The following NSUN6 variants were observed in gnomAD, a reference collection of about 807,000 sequenced individuals.
The protein encoded by NSUN6 is tRNA (cytosine(72)-C(5))-methyltransferase NSUN6.
NSUN6 carries 64 observed loss-of-function variants against 58.0 expected under a neutral mutation model. The observed-to-expected ratio is 1.10, with a 90% CI of 0.90 to 1.36. The LOEUF is 1.36. Among genes scored for constraint, NSUN6 ranks in the 40% most tolerant of loss-of-function variants. The pLI is 0.00. For synonymous variants in NSUN6, 231 were observed against 193.9 expected (o/e 1.19, Z -1.59); for missense variants, 701 against 550.1 (o/e 1.27, Z -2.74).
At chr10:18,628,028 G>C (rs2058885523) in intron 3 of NSUN6, among the ~76,000 whole-genome samples, 1 of 152,218 alleles carries the variant, frequency 6.6e-6, no homozygotes, top group Non-Finnish European at 1.5e-5. Flanking sequence ...TTTGAAGAGA[G>C]CAGTGGTTCT....
At chr10:18,625,344 T>C (rs1301237443) in intron 3 of NSUN6, among the ~76,000 whole-genome samples, 2 of 151,500 alleles carry the variant, frequency 1.3e-5, no homozygotes, top group African/African-American at 4.9e-5. Context: ...ATACAGAAAA[T>C]GTAAGAGAAA....
intron 7 of NSUN6, among the ~76,000 whole-genome samples, chr10:18,591,824 C>T (rs1212099216): frequency 6.6e-6 from 1 of 152,162 alleles, no homozygotes; most frequent in Admixed American, 6.5e-5. Flanking sequence ...AGGATGCCCC[C>T]TCTCACCACT....
chr10:18,555,645 T>C (rs1469096074), intron 8 of NSUN6, among the ~76,000 whole-genome samples: 2 of 92,346 alleles, frequency 2.2e-5, no homozygotes, highest in Admixed American at 1.2e-4. Flanking sequence ...TGGAATGTAA[T>C]GGAGAACAGA....
At chr10:18,629,762 G>C (rs1171254814) in intron 3 of NSUN6, among the ~76,000 whole-genome samples, 2 of 146,264 alleles carry the variant, frequency 1.4e-5, no homozygotes, top group African/African-American at 5.0e-5. Flanking sequence ...AGCAAGTCCT[G>C]AGTGACCTAC....
chr10:18,592,563 C>T (rs893144377), intron 7 of NSUN6, among the ~76,000 whole-genome samples: 1 of 152,098 alleles, frequency 6.6e-6, no homozygotes, highest in Admixed American at 6.5e-5. Flanking sequence ...AATAACAACA[C>T]ACATCTACAA....
chr10:18,652,485 A>AACTCTTT (rs2059726408), upstream of NSUN6: 13 of 983,692 alleles, frequency 1.3e-5, no homozygotes, highest in Admixed American at 6.1e-5. Context: ...ATGACACACC[A>AACTCTTT]ACTCTTTACC....
upstream of NSUN6, chr10:18,652,109 C>A: frequency 1.0e-6 from 1 of 985,168 alleles, no homozygotes; most frequent in Non-Finnish European, 1.2e-6. Context: ...ATCCAATGCT[C>A]AGGTAAAACT....
At chr10:18,635,081 G>A (rs1417344490) in intron 3 of NSUN6, among the ~76,000 whole-genome samples, 1 of 152,128 alleles carries the variant, frequency 6.6e-6, no homozygotes, top group African/African-American at 2.4e-5. Context: ...GGGGATTTTG[G>A]TATGTGCTAC....
rs188341620 is a variant in NSUN6, at chr10:18,605,043, G to A, written c.657+4802C>T. ...TGGGACTATAGGCGTCCGCCACCAC[G>A]CCCAGCTAATTTTTTGTATTTTTAG... On this transcript the variant is annotated intron_variant, in intron 6 of 10. Transcript: ENST00000377304. Among the ~76,000 whole-genome samples, 69 of 151,326 alleles carry A rather than the reference G, an allele frequency of 4.6e-4. No homozygotes were observed. In the East Asian group the frequency reaches 9.9e-3, roughly 22 times the overall value.
At chr10:18,621,877 G>A (rs1208360790) in intron 3 of NSUN6, among the ~76,000 whole-genome samples, 2 of 152,156 alleles carry the variant, frequency 1.3e-5, no homozygotes, top group East Asian at 1.9e-4. Flanking sequence ...GGAAGGTGAT[G>A]GATGAAACTG....
At chr10:18,634,121 C>G (rs1315679769) in intron 3 of NSUN6, among the ~76,000 whole-genome samples, 1 of 152,164 alleles carries the variant, frequency 6.6e-6, no homozygotes, top group South Asian at 2.1e-4. Context: ...TGGTGGCACA[C>G]ACATACACAA....
At chr10:18,642,622 T>A (rs764478138) in intron 2 of NSUN6, 67 bp from the exon 3 acceptor site, 1 of 774,354 alleles carries the variant, frequency 1.3e-6, no homozygotes, top group Non-Finnish European at 2.3e-6. Context: ...ATGGAACTTT[T>A]CAGTATCATC....
At chr10:18,648,973 A>G (rs985429662) in intron 1 of NSUN6, among the ~76,000 whole-genome samples, 7 of 152,238 alleles carry the variant, frequency 4.6e-5, no homozygotes, top group African/African-American at 1.7e-4. Flanking sequence ...CAGTCTATTT[A>G]TAATGCATTA....
At chr10:18,653,974 C>A (rs1049791956), upstream of NSUN6, among the ~76,000 whole-genome samples, 1 of 152,138 alleles carries the variant, frequency 6.6e-6, no homozygotes, top group Non-Finnish European at 1.5e-5. Context: ...CAAAGCTTAA[C>A]CTTACCAAAA....
intron 8 of NSUN6, among the ~76,000 whole-genome samples, chr10:18,571,912 ATTCCATTCCCCT>A (rs555233527): frequency 2.2e-3 from 332 of 147,980 alleles, no homozygotes; most frequent in African/African-American, 8.0e-3. Flanking sequence ...TCCTTTCTCC[ATTCCATTCCCCT>A]TTCCATTCCA....
chr10:18,561,921 T>C (rs1052802790), intron 8 of NSUN6, among the ~76,000 whole-genome samples: 1 of 132,952 alleles, frequency 7.5e-6, no homozygotes, highest in African/African-American at 2.9e-5. Context: ...AAATGGAGAA[T>C]GGAATGAATG....
Position 18,548,162 on chromosome 10 carries a change from GTTC to G in NSUN6, c.1144_1146del (p.Glu382del). 1 of 1,613,842 alleles carries G rather than the reference GTTC, an allele frequency of 6.2e-7. No homozygotes were observed. The highest frequency in any genetic ancestry group is 8.5e-7 in the Non-Finnish European group (1 of 1,179,870). The stretch of plus-strand genomic sequence containing the variant: ...AATTTTGTCAGGGCCCAGGCAACCT[GTTC>G]TTCATTTTCGGCCAGTGTTATAGTG... On this transcript the variant is annotated inframe_deletion, in exon 10 of 11. Transcript: ENST00000377304.
chr10:18,578,048 T>C (rs2056739428), intron 8 of NSUN6, among the ~76,000 whole-genome samples: 1 of 152,124 alleles, frequency 6.6e-6, no homozygotes, highest in Non-Finnish European at 1.5e-5. Context: ...TGCTGAGAAG[T>C]AAAAAAGAAA....
upstream of NSUN6, chr10:18,651,913 A>G (rs2059717212): frequency 1.0e-6 from 1 of 985,318 alleles, no homozygotes; most frequent in Non-Finnish European, 1.2e-6. Flanking sequence ...GGACTGAAAA[A>G]AGGCACAGCC....
Sources: gnomAD v4.1 joint callset for allele counts (sites outside exome capture counted in the v4.1 genomes callset) on GRCh38, gnomAD v4.1.1 for gene constraint, MANE v1.5 for transcripts, NCBI Gene and HGNC (gene_info 2026-07-23, HGNC 2026-07-21) for gene names.